Variants in PIK3R3 observed in about 807,000 individuals in gnomAD.
The protein encoded by PIK3R3 is phosphatidylinositol 3-kinase regulatory subunit gamma.
A neutral mutation model predicts 62.9 loss-of-function variants in PIK3R3; 64 were observed. That is an observed-to-expected ratio of 1.02 (90% CI 0.83 to 1.25). The LOEUF is 1.25. Ranked by LOEUF, PIK3R3 falls within the 50% of genes most tolerant of loss-of-function variation. The pLI, the probability that PIK3R3 is intolerant of heterozygous loss-of-function variation, is 0.00. For missense variants in PIK3R3, 614 were observed against 561.6 expected, an observed-to-expected ratio of 1.09 and a Z score of -0.94; for synonymous variants, 165 against 189.0, an observed-to-expected ratio of 0.87 and a Z score of 1.04.
chr1:46,110,323 T>C (rs761093449), intron 1 of PIK3R3, among the ~76,000 whole-genome samples: 3 of 147,304 alleles, frequency 2.0e-5, no homozygotes, highest in African/African-American at 5.0e-5. Context: ...GGTTTCACCA[T>C]GTTGGCCAGG....
chr1:46,092,823 T>G (rs1571470365), intron 1 of PIK3R3, among the ~76,000 whole-genome samples: 1 of 151,638 alleles, frequency 6.6e-6, no homozygotes, highest in Admixed American at 6.6e-5. Context: ...TCTTCATTTC[T>G]CTCTCTCTCA....
At chr1:46,157,916 A>G in the PIK3R3 span, among the ~76,000 whole-genome samples, 3 of 152,252 alleles carry the variant, frequency 2.0e-5, no homozygotes, top group African/African-American at 4.8e-5. Flanking sequence ...CTAAAGCCCA[A>G]TTTCAGAAGA....
At chr1:46,141,851 T>C in the PIK3R3 span, among the ~76,000 whole-genome samples, 1 of 152,220 alleles carries the variant, frequency 6.6e-6, no homozygotes, top group Non-Finnish European at 1.5e-5. Flanking sequence ...TCTGCTCTTA[T>C]GCCCAGGTAG....
At chr1:46,093,941 T>C in intron 1 of PIK3R3, among the ~76,000 whole-genome samples, 1 of 150,960 alleles carries the variant, frequency 6.6e-6, no homozygotes, top group Non-Finnish European at 1.5e-5. Flanking sequence ...TGGTGGTGTG[T>C]GCCTGTAGTC....
the PIK3R3 span, among the ~76,000 whole-genome samples, chr1:46,172,484 G>A: frequency 2.6e-5 from 4 of 152,052 alleles, no homozygotes; most frequent in Admixed American, 2.6e-4. Flanking sequence ...AGTAATTCTC[G>A]TGCCTCAGCC....
chr1:46,161,710 C>T, the PIK3R3 span, among the ~76,000 whole-genome samples: 3 of 151,846 alleles, frequency 2.0e-5, no homozygotes. Context: ...ATAGCCACTG[C>T]ACTCCTGTCT....
At chr1:46,112,902 T>C (rs1428848476) in intron 1 of PIK3R3, among the ~76,000 whole-genome samples, 3 of 152,178 alleles carry the variant, frequency 2.0e-5, no homozygotes, top group East Asian at 3.8e-4. Context: ...TTGCTTCTCT[T>C]GGTTTATACT....
At position 46,043,058 on chromosome 1, in the gene PIK3R3, T is replaced by A. The variant is rs1571333523; in HGVS notation, c.*615A>T. On this transcript the variant is annotated 3_prime_UTR_variant, in exon 10 of 10. Coordinates refer to ENST00000262741, the MANE Select transcript of PIK3R3 (RefSeq NM_003629.4). ...ATACTTCTTCAGAGGGAGGGGCTGG[T>A]GAGATGCTGAAGCCTAAATTATGTT... 8.8e-6 allele frequency: 2 copies of A among 226,278 alleles called. No individual in the cohort carries two copies. The highest frequency in any genetic ancestry group is 4.4e-5 in the African/African-American group (2 of 44,958). 14.0% of individuals were successfully genotyped at this position (226,278 alleles called of 1,614,324 possible).
intron 1 of PIK3R3, among the ~76,000 whole-genome samples, chr1:46,118,899 T>C (rs1654424273): frequency 6.6e-6 from 1 of 151,968 alleles, no homozygotes; most frequent in Admixed American, 6.6e-5. Flanking sequence ...ATTCTAGCCA[T>C]ACTGGCCTCC....
chr1:46,174,623 C>T, the PIK3R3 span, among the ~76,000 whole-genome samples: 7 of 152,076 alleles, frequency 4.6e-5, no homozygotes, highest in South Asian at 2.1e-4. Flanking sequence ...GCAACATATT[C>T]GAGACAGAGT....
intron 1 of PIK3R3, among the ~76,000 whole-genome samples, chr1:46,111,803 A>G (rs1470504288): frequency 6.6e-6 from 1 of 152,166 alleles, no homozygotes; most frequent in African/African-American, 2.4e-5. Flanking sequence ...GTGGTGGTTA[A>G]GTAGCTGTTC....
chr1:46,101,985 T>TTA (rs1652731343), intron 1 of PIK3R3, among the ~76,000 whole-genome samples: 1 of 136,646 alleles, frequency 7.3e-6, no homozygotes, highest in Non-Finnish European at 1.6e-5. Flanking sequence ...GTATACTTTT[T>TTA]TTTTTTTTTT....
chr1:46,132,303 CGCGGAA>C lies in PIK3R3; in HGVS notation c.-357_-352del. On this transcript the variant is annotated 5_prime_UTR_variant, in exon 1 of 10. Coordinates refer to ENST00000262741, the MANE Select transcript of PIK3R3 (RefSeq NM_003629.4). ...AGCTCCCACCGCCTCCAAATCTTTC[CGCGGAA>C]GCCACTTTTGTGTCCTTCGAAGGAG... The C allele has an allele frequency of 9.0e-7, 1 of 1,109,800 alleles. No homozygotes were observed. Among genetic ancestry groups the C allele is most frequent in the Non-Finnish European group, 1.1e-6 (1 of 903,678 alleles). The allele number at this position is 1,109,800 out of a possible 1,614,324, so 68.7% of individuals were successfully genotyped here.
the PIK3R3 span, among the ~76,000 whole-genome samples, chr1:46,169,205 T>C: frequency 4.6e-5 from 7 of 152,256 alleles, no homozygotes; most frequent in South Asian, 1.0e-3. Flanking sequence ...TAGACAGACT[T>C]AGTTGAGATT....
chr1:46,161,634 C>T, the PIK3R3 span, among the ~76,000 whole-genome samples: 2 of 152,090 alleles, frequency 1.3e-5, no homozygotes, highest in African/African-American at 4.8e-5. Context: ...ACTTGGGAGG[C>T]TGAGCCAGGA....
chr1:46,123,919 G>A (rs1016392989), intron 1 of PIK3R3, among the ~76,000 whole-genome samples: 1 of 152,150 alleles, frequency 6.6e-6, no homozygotes, highest in African/African-American at 2.4e-5. Flanking sequence ...AGAGGCAATA[G>A]AAACTAAAAG....
chr1:46,073,303 T>A (rs533981663), intron 3 of PIK3R3, among the ~76,000 whole-genome samples: 1 of 152,288 alleles, frequency 6.6e-6, no homozygotes, highest in Admixed American at 6.5e-5. Context: ...CCCATTGCAT[T>A]TAAATTTTTC....
rs1655701496 is a variant in PIK3R3 at position 46,132,466 on chromosome 1, G to A, written c.-514C>T. ...TGGTCTGCAGAGAGCGAATCCCCCA[G>A]AGGCCGGGACTCGGGCTCCTCTCCG... is the stretch of plus-strand genomic sequence containing the variant. On this transcript the variant is annotated 5_prime_UTR_variant, in exon 1 of 10. Transcript: ENST00000262741. 1.6e-5 allele frequency: 19 copies of A among 1,196,720 alleles called. No homozygotes were observed. The highest frequency in any genetic ancestry group is 2.0e-5 in the Non-Finnish European group (19 of 945,398). 74.1% of individuals were successfully genotyped at this position (1,196,720 alleles called of 1,614,324 possible).
chr1:46,061,803 A>G (rs1185008059), intron 6 of PIK3R3, 126 bp downstream of exon 6: 1 of 834,682 alleles, frequency 1.2e-6, no homozygotes, highest in Admixed American at 2.3e-5. Flanking sequence ...ATTAGTGGAA[A>G]CAGCAAGTGG....
Sources: gnomAD v4.1 joint callset for allele counts (sites outside exome capture counted in the v4.1 genomes callset) on GRCh38, gnomAD v4.1.1 for gene constraint, MANE v1.5 for transcripts, NCBI Gene and HGNC (gene_info 2026-07-23, HGNC 2026-07-21) for gene names.